The following CENPP variants were observed in gnomAD, a reference collection of about 807,000 sequenced individuals.
The protein encoded by CENPP is centromere protein P.
Under a neutral mutation model 35.6 loss-of-function variants are expected in CENPP, and 24 were observed. The observed-to-expected ratio is 0.67, with a 90% CI of 0.49 to 0.95. The LOEUF (loss-of-function observed/expected upper bound fraction) is 0.95, where lower values mean the gene tolerates loss of function less well. Among genes scored for constraint, CENPP ranks in the 40% least tolerant of loss-of-function variants. The probability of loss-of-function intolerance (pLI) is 0.00; values close to 1 mark genes in which losing one functional copy is unlikely to be tolerated. For missense variants in CENPP, 332 were observed against 345.3 expected (o/e 0.96, Z 0.31); for synonymous variants, 120 against 125.5 (o/e 0.96, Z 0.29).
At chr9:92,446,069 C>T (rs914645453) in intron 5 of CENPP, among the ~76,000 whole-genome samples, 4 of 151,930 alleles carry the variant, frequency 2.6e-5, no homozygotes, top group Non-Finnish European at 5.9e-5. Flanking sequence ...GTTGCTAGCA[C>T]TGTAAATGTA....
intron 3 of CENPP, among the ~76,000 whole-genome samples, chr9:92,339,259 G>A (rs1184310582): frequency 6.6e-6 from 1 of 152,168 alleles, no homozygotes; most frequent in East Asian, 1.9e-4. Flanking sequence ...TTTCATCAGT[G>A]TCCTTAGCCA....
In CENPP at chr9:92,496,364, C is replaced by T. The variant is rs764124245; in HGVS notation, c.565-114950C>T. 36 of 1,605,094 alleles carry T rather than the reference C, an allele frequency of 2.2e-5. No homozygotes were observed. Among genetic ancestry groups the T allele is most frequent in the African/African-American group, 2.7e-5 (2 of 74,350 alleles). ...AACGATACTTGAGTATGATCTTATG[C>T]ATGAAAATGTGTAAGATGGTATTTC... On this transcript the variant is annotated intron_variant, in intron 5 of 7. Coordinates refer to ENST00000375587, the MANE Select transcript of CENPP (RefSeq NM_001012267.3).
At chr9:92,601,607 C>T (rs1053914679) in intron 5 of CENPP, among the ~76,000 whole-genome samples, 1 of 152,132 alleles carries the variant, frequency 6.6e-6, no homozygotes, top group South Asian at 2.1e-4. Flanking sequence ...GTATTAGGCC[C>T]GGGAAAGTCT....
In CENPP at chr9:92,326,014, G is replaced by A; in HGVS notation, c.16G>A (p.Ala6Thr). The change falls in exon 1 of 8, where the codon GCA becomes ACA. Residue 6 changes from alanine (A) to threonine (T), a missense_variant. By Grantham distance (58) the Ala-to-Thr change is moderately conservative (BLOSUM62 0). Transcript: ENST00000375587. MDAEL[A>T]EVRALQAEIA... The stretch of plus-strand genomic sequence containing the variant: ...GCAACGCGCCATGGACGCAGAGCTG[G>A]CAGAGGTGCGCGCCTTGCAAGCTGA... The A allele has an allele frequency of 6.4e-7, 1 of 1,553,536 alleles. No homozygotes were observed. Among genetic ancestry groups the A allele is most frequent in the Admixed American group, 1.9e-5 (1 of 51,438 alleles).
At chr9:92,447,464 G>C (rs1219833292) in intron 5 of CENPP, among the ~76,000 whole-genome samples, 1 of 152,144 alleles carries the variant, frequency 6.6e-6, no homozygotes, top group East Asian at 1.9e-4. Flanking sequence ...CTGCTGATTT[G>C]ACAGGAGATG....
At chr9:92,556,314 T>G (rs1849723137) in intron 5 of CENPP, among the ~76,000 whole-genome samples, 1 of 152,182 alleles carries the variant, frequency 6.6e-6, no homozygotes, top group Non-Finnish European at 1.5e-5. Flanking sequence ...TATCATATGG[T>G]CTATCTTGGA....
chr9:92,346,082 CA>C (rs1841286924), intron 4 of CENPP, among the ~76,000 whole-genome samples: 1 of 152,122 alleles, frequency 6.6e-6, no homozygotes, highest in Non-Finnish European at 1.5e-5. Flanking sequence ...AGATATTGAT[CA>C]AATAATGGCA....
chr9:92,333,074 T>G (rs1425474327), intron 2 of CENPP, among the ~76,000 whole-genome samples: 1 of 152,190 alleles, frequency 6.6e-6, no homozygotes, highest in Non-Finnish European at 1.5e-5. Flanking sequence ...CTGGACCTTT[T>G]GCTGGAAGGA....
intron 5 of CENPP, chr9:92,600,633 T>C: frequency 1.3e-6 from 2 of 1,494,826 alleles, no homozygotes; most frequent in Non-Finnish European, 1.8e-6. Context: ...CATGCCCTGG[T>C]CGGCCATCCC....
intron 5 of CENPP, among the ~76,000 whole-genome samples, chr9:92,538,773 C>T (rs975004534): frequency 6.6e-6 from 1 of 152,160 alleles, no homozygotes; most frequent in African/African-American, 2.4e-5. Context: ...CAACACTCTG[C>T]AGGAATGTGG....
intron 5 of CENPP, among the ~76,000 whole-genome samples, chr9:92,578,725 G>T (rs373755797): frequency 6.6e-6 from 1 of 151,466 alleles, no homozygotes; most frequent in Admixed American, 6.6e-5. Context: ...AGTAGGTTGC[G>T]AAAATTTTCT....
chr9:92,453,795 A>C (rs1844790067), intron 5 of CENPP, among the ~76,000 whole-genome samples: 1 of 152,190 alleles, frequency 6.6e-6, no homozygotes, highest in South Asian at 2.1e-4. Flanking sequence ...ATGGTAGCTT[A>C]AGGGAAACGA....
chr9:92,527,003 A>T (rs570668751), intron 5 of CENPP, among the ~76,000 whole-genome samples: 2 of 149,338 alleles, frequency 1.3e-5, no homozygotes, highest in East Asian at 2.0e-4. Context: ...AGATATGTTT[A>T]TTATTTATTT....
At chr9:92,557,042 C>G (rs1021840991) in intron 5 of CENPP, among the ~76,000 whole-genome samples, 24 of 152,186 alleles carry the variant, frequency 1.6e-4, no homozygotes, top group African/African-American at 5.1e-4. Context: ...CGAATTCTCT[C>G]AGCATTTGTT....
chr9:92,524,877 A>G (rs1206680163), intron 5 of CENPP, among the ~76,000 whole-genome samples: 1 of 152,210 alleles, frequency 6.6e-6, no homozygotes, highest in African/African-American at 2.4e-5. Flanking sequence ...GAACAAATCT[A>G]TGATAGGAAG....
At chr9:92,403,252 C>T in intron 5 of CENPP, 1 of 1,578,354 alleles carries the variant, frequency 6.3e-7, no homozygotes. Context: ...TTTTTCCATC[C>T]AGGTATTTAT....
chr9:92,381,869 C>G (rs1336215332), intron 5 of CENPP, among the ~76,000 whole-genome samples: 3 of 150,346 alleles, frequency 2.0e-5, no homozygotes, highest in Non-Finnish European at 4.4e-5. Context: ...AATTTCTCTA[C>G]AACTACTTTA....
chr9:92,612,808 G>A (rs564613712), intron 7 of CENPP, among the ~76,000 whole-genome samples, 194 bp downstream of exon 7: 1 of 152,176 alleles, frequency 6.6e-6, no homozygotes, highest in Admixed American at 6.5e-5. Context: ...CTGCCCCAAG[G>A]CCCTCCCAGG....
chr9:92,339,073 G>T (rs1046693736), intron 3 of CENPP, among the ~76,000 whole-genome samples: 1 of 152,222 alleles, frequency 6.6e-6, no homozygotes, highest in Admixed American at 6.5e-5. Flanking sequence ...GGTTTTGCCA[G>T]TTGGGCCAAC....
Sources: allele counts gnomAD v4.1 joint callset (sites outside exome capture counted in the v4.1 genomes callset), GRCh38; gene constraint gnomAD v4.1.1; transcripts MANE v1.5; gene names NCBI Gene and HGNC (gene_info 2026-07-23, HGNC 2026-07-21).